Variants in ESR1 observed in about 807,000 individuals in gnomAD.
ESR1 encodes the protein estrogen receptor.
ESR1 carries 12 observed loss-of-function variants against 52.7 expected under a neutral mutation model. The observed-to-expected ratio is 0.23, with a 90% CI of 0.15 to 0.37. The LOEUF (loss-of-function observed/expected upper bound fraction) is 0.37, where lower values mean the gene tolerates loss of function less well. ESR1 is among the 10% of genes least tolerant of loss of function. The pLI, the probability that ESR1 is intolerant of heterozygous loss-of-function variation, is 1.00. For synonymous variants in ESR1, 305 were observed against 316.8 expected, an observed-to-expected ratio of 0.96 and a Z score of 0.39; for missense variants, 584 against 779.7, an observed-to-expected ratio of 0.75 and a Z score of 2.99.
At chr6:151,669,902 A>G (rs890783955) in intron 1 of ESR1, among the ~76,000 whole-genome samples, 5 of 152,178 alleles carry the variant, frequency 3.3e-5, no homozygotes, top group Non-Finnish European at 5.9e-5. Context: ...CACATGGGAG[A>G]GGGAAGAAAT....
intron 4 of ESR1, among the ~76,000 whole-genome samples, chr6:151,999,549 C>T (rs1210595489): frequency 1.3e-5 from 2 of 152,068 alleles, no homozygotes; most frequent in African/African-American, 4.8e-5. Flanking sequence ...TTTATGAGAG[C>T]ATTACAAGAA....
chr6:151,658,688 G>A (rs1428736381), intron 1 of ESR1, among the ~76,000 whole-genome samples: 1 of 131,870 alleles, frequency 7.6e-6, no homozygotes, highest in Non-Finnish European at 1.6e-5. Context: ...AAAATAACAG[G>A]AGATATCATA....
intron 3 of ESR1, among the ~76,000 whole-genome samples, chr6:151,942,161 C>CA (rs2035146964): frequency 6.6e-6 from 1 of 152,190 alleles, no homozygotes; most frequent in Non-Finnish European, 1.5e-5. Flanking sequence ...GTTGAAATGC[C>CA]TGATCCAGGA....
intron 1 of ESR1, among the ~76,000 whole-genome samples, chr6:151,694,709 C>T (rs1399589481): frequency 6.6e-6 from 1 of 151,994 alleles, no homozygotes; most frequent in Non-Finnish European, 1.5e-5. Flanking sequence ...ATCGCTTGAA[C>T]CCGCGAAGTG....
intron 4 of ESR1, among the ~76,000 whole-genome samples, chr6:151,976,523 C>A (rs559140672): frequency 6.6e-6 from 1 of 151,934 alleles, no homozygotes; most frequent in African/African-American, 2.4e-5. Flanking sequence ...TTCTATGTGT[C>A]TGGAAAGTAC....
Position 152,061,064 on chromosome 6 carries a change from A to T in ESR1, c.1309A>T (p.Met437Leu), listed in dbSNP as rs2047504030. The stretch of plus-strand genomic sequence containing the variant: ...GCTGGCTACATCATCTCGGTTCCGC[A>T]TGATGAATCTGCAGGGAGAGGAGTT... ...MLLATSSRFRMMNLQGEEFVC... is the reference protein window; with the variant it reads ...MLLATSSRFRLMNLQGEEFVC... Residue 437 changes from methionine (M) to leucine (L), a missense_variant, in exon 6 of 8, where the codon ATG becomes TTG. Met to Leu is a conservative substitution (Grantham distance 15, BLOSUM62 2). This residue lies in a region of ESR1 where 141 missense variants were observed against 289.3 expected (regional missense o/e 0.49). Transcript: ENST00000206249. The surrounding 1 kb of genome is among the most constrained non-coding windows in gnomAD (Gnocchi z 4.3). 1.2e-6 allele frequency: 2 copies of T among 1,613,718 alleles called. No individual in the cohort carries two copies. The highest frequency in any genetic ancestry group is 2.7e-5 in the African/African-American group (2 of 74,918).
In ESR1 at chr6:152,100,783, A is replaced by AG. The variant is rs2050939798; in HGVS notation, c.*1817_*1818insG. The AG allele has an allele frequency of 4.3e-6, 1 of 230,972 alleles. No individual in the cohort carries two copies. The highest frequency in any genetic ancestry group is 6.2e-5 in the East Asian group (1 of 16,084). 14.3% of individuals were successfully genotyped at this position (230,972 alleles called of 1,614,324 possible). ...AGAATCTGGGAGGGCAAAAAAAAAA[A>AG]AAAAGTTTTTATGTGCACTTAAATT... On this transcript the variant is annotated 3_prime_UTR_variant, in exon 8 of 8. Transcript: ENST00000206249.
intron 6 of ESR1, among the ~76,000 whole-genome samples, chr6:152,093,875 C>T (rs772001956): frequency 3.9e-5 from 6 of 152,130 alleles, no homozygotes; most frequent in Non-Finnish European, 5.9e-5. Context: ...ACACGTCTCC[C>T]GAGAGAGCGT....
chr6:151,795,859 C>T (rs144566122), intron 2 of ESR1, among the ~76,000 whole-genome samples: 21 of 152,088 alleles, frequency 1.4e-4, no homozygotes, highest in African/African-American at 3.4e-4. Context: ...TCAAAAATGA[C>T]GAAGATGTGG....
chr6:151,934,911 G>C (rs920401849), intron 3 of ESR1, among the ~76,000 whole-genome samples: 18 of 152,164 alleles, frequency 1.2e-4, no homozygotes, highest in African/African-American at 3.9e-4. Flanking sequence ...CAGGATTCTA[G>C]AGCCCCATAT....
intron 6 of ESR1, among the ~76,000 whole-genome samples, chr6:152,082,712 C>T (rs1052027722): frequency 3.3e-5 from 5 of 152,132 alleles, no homozygotes; most frequent in African/African-American, 7.2e-5. Flanking sequence ...ATTTAGAAAA[C>T]CCCATTGTCT....
intron 6 of ESR1, among the ~76,000 whole-genome samples, chr6:152,123,022 T>C (rs565665241): frequency 1.3e-5 from 2 of 152,246 alleles, no homozygotes; most frequent in African/African-American, 4.8e-5. Context: ...TCCAGAATAA[T>C]TAAAATGTAG....
intron 1 of ESR1, among the ~76,000 whole-genome samples, chr6:151,668,124 G>A (rs756616467): frequency 1.3e-5 from 2 of 152,114 alleles, no homozygotes; most frequent in African/African-American, 2.4e-5. Flanking sequence ...TTTATTTCTC[G>A]TGGTTCTGGT....
chr6:151,939,210 A>G (rs2034743398), intron 3 of ESR1, among the ~76,000 whole-genome samples: 1 of 152,170 alleles, frequency 6.6e-6, no homozygotes, highest in African/African-American at 2.4e-5. Context: ...CTTGACTGTC[A>G]AGAGGCTGCC....
At chr6:151,873,072 G>C (rs1791241912) in intron 2 of ESR1, among the ~76,000 whole-genome samples, 1 of 152,176 alleles carries the variant, frequency 6.6e-6, no homozygotes, top group Admixed American at 6.5e-5. Context: ...TTGGTGGTCA[G>C]ACAGTTGCAG....
chr6:151,748,997 T>A (rs1783692435), intron 2 of ESR1, among the ~76,000 whole-genome samples: 1 of 152,044 alleles, frequency 6.6e-6, no homozygotes, highest in African/African-American at 2.4e-5. Flanking sequence ...GAGAGAAGGA[T>A]GAATAAGAAA....
In ESR1 at chr6:152,020,310, C is replaced by T. The variant is rs9340984; in HGVS notation, c.1235+8516C>T. Among the ~76,000 whole-genome samples the T allele has an allele frequency of 2.0e-3, 305 of 152,180 alleles. 1 individual carries two copies. The highest frequency in any genetic ancestry group is 7.3e-3 in the South Asian group (35 of 4,814). ...CCTTATGTTGGTTCTTTTGAGCTGG[C>T]AGGGGGAAAGCAGAGTATGTTGGCA... On this transcript the variant is annotated intron_variant, in intron 5 of 7. Coordinates refer to ENST00000206249, the MANE Select transcript of ESR1 (RefSeq NM_000125.4).
rs188458998 is a variant in ESR1 at position 151,775,126 on chromosome 6, A to T, written c.-70-32717A>T. Among the ~76,000 whole-genome samples, 10 of 152,302 alleles carry T rather than the reference A, an allele frequency of 6.6e-5. No homozygotes were observed. In the East Asian group the frequency reaches 7.7e-4, roughly 12 times the overall value. On this transcript the variant is annotated intron_variant, in intron 2 of 2. Transcript: ENST00000404742. ...AGGAGAGGTGAAAGAAGGAATCAGG[A>T]CAAAAAGTAGATGCTAAAAGGAAAA...
chr6:151,881,810 C>G (rs6918647), intron 3 of ESR1, among the ~76,000 whole-genome samples: 117,803 of 151,540 alleles, frequency 0.78, 46,310 homozygotes, highest in African/African-American at 0.87. Flanking sequence ...TTGAACCTGG[C>G]AGGTGGAGGG....
Sources: gnomAD v4.1 joint callset for allele counts (sites outside exome capture counted in the v4.1 genomes callset) on GRCh38, gnomAD v4.1.1 for gene constraint, gnomAD v4.1.1 regional missense constraint, Gnocchi (gnomAD v3.1) non-coding constraint, MANE v1.5 for transcripts, NCBI Gene and HGNC (gene_info 2026-07-23, HGNC 2026-07-21) for gene names.